The following PLIN5 variants were observed in gnomAD, a reference collection of about 807,000 sequenced individuals.
PLIN5 encodes perilipin 5, also known as perilipin-5.
Under a neutral mutation model 32.8 loss-of-function variants are expected in PLIN5, and 34 were observed. The ratio of observed to expected loss-of-function variants is 1.04; its 90% CI spans 0.79 to 1.38. PLIN5 has a LOEUF of 1.38. Ranked by LOEUF, PLIN5 falls within the 40% of genes most tolerant of loss-of-function variation. The probability of loss-of-function intolerance (pLI) is 0.00; values close to 1 mark genes in which losing one functional copy is unlikely to be tolerated. For missense variants in PLIN5, 712 were observed against 660.5 expected (o/e 1.08, Z -0.85); for synonymous variants, 309 against 292.9 (o/e 1.05, Z -0.56).
rs771309924 is a variant in PLIN5, at chr19:4,531,761, TCGCAGACCGCGGTGCACGTGGCC to T, written c.99_121del (p.Ala34CysfsTer20). 1.3e-6 allele frequency: 2 copies of T among 1,599,660 alleles called. No homozygotes were observed. Among genetic ancestry groups the T allele is most frequent in the Admixed American group, 3.4e-5 (2 of 59,086 alleles). On this transcript the variant is annotated frameshift_variant, in exon 3 of 8. Transcript: ENST00000381848. LOFTEE classifies it high-confidence loss of function. Reference sequence around the variant, plus strand: ...CCTGTCCTTGGCTGCACTGTAAACATCGCAGACCGCGGTGCACGTGGCCCTGACCAGGGGCAGAGCCACCACAC... The same window carrying T: ...CCTGTCCTTGGCTGCACTGTAAACATCTGACCAGGGGCAGAGCCACCACAC...
rs1009848259 is a variant in PLIN5 at position 4,533,828 on chromosome 19, C to T, written c.60+187G>A. 5 of 656,140 alleles carry T rather than the reference C, an allele frequency of 7.6e-6. No individual in the cohort carries two copies. In the Admixed American group the frequency reaches 1.2e-4, roughly 15 times the overall value. 40.6% of individuals were successfully genotyped at this position (656,140 alleles called of 1,614,324 possible). On this transcript the variant is annotated intron_variant, in intron 2 of 7. Coordinates refer to ENST00000381848, the MANE Select transcript of PLIN5 (RefSeq NM_001013706.3). ...CTGGGTGTCTTTGAGAGACACTCCC[C>T]TCCCAGGGCCTCATTAAGCCCCCAC... is the stretch of plus-strand genomic sequence containing the variant.
chr19:4,532,751 C>G (rs1976902428), intron 2 of PLIN5: 2 of 152,246 alleles, frequency 1.3e-5, no homozygotes, highest in Non-Finnish European at 2.9e-5. Context: ...CTCACTGCAG[C>G]CTAAGCCTCC....
At chr19:4,529,729 C>A (rs758005899) in intron 4 of PLIN5, 55 bp downstream of exon 4, 1 of 1,441,968 alleles carries the variant, frequency 6.9e-7, no homozygotes, top group Non-Finnish European at 9.7e-7. Flanking sequence ...CTCCCTCCCG[C>A]CTCTAATCTG....
Position 4,525,915 on chromosome 19 carries a change from GGATA to G in PLIN5, c.521-87_521-84del. 3.7e-6 allele frequency: 2 copies of G among 536,676 alleles called. No individual in the cohort carries two copies. The allele number at this position is 536,676 out of a possible 1,614,324, so 33.2% of individuals were successfully genotyped here. A position where few individuals can be genotyped will look rare whatever the true frequency, so the allele number is the denominator to read the frequency against. Reference sequence around the variant, plus strand: ...AGGATACGGGGACAGCACGGGGACAGGATACGGGGACAGCACGGGGACAGGATAC... The same window carrying G: ...AGGATACGGGGACAGCACGGGGACAGCGGGGACAGCACGGGGACAGGATAC... On this transcript the variant is annotated intron_variant, in intron 5 of 7. Transcript: ENST00000381848. This position sits in a 1 kb window ranked among gnomAD's most constrained non-coding sequence, Gnocchi z 5.6.
rs1357571184 is a variant in PLIN5, at chr19:4,525,614, G to T, written c.720+19C>A. On this transcript the variant is annotated intron_variant, in intron 6 of 7. Transcript: ENST00000381848. This position sits in a 1 kb window ranked among gnomAD's most constrained non-coding sequence, Gnocchi z 5.6. ...GATTGGCCTGCATCCCGGAGCAGGG[G>T]CGGGCAGCGGGCTCTCACCAGCTCC... is the stretch of plus-strand genomic sequence containing the variant. The T allele has an allele frequency of 3.1e-6, 5 of 1,610,512 alleles. No individual in the cohort carries two copies. The highest frequency in any genetic ancestry group is 2.7e-5 in the African/African-American group (2 of 74,932).
intron 5 of PLIN5, among the ~76,000 whole-genome samples, chr19:4,527,560 A>C (rs1281477000): frequency 6.7e-6 from 1 of 148,922 alleles, no homozygotes; most frequent in Admixed American, 6.7e-5. Flanking sequence ...AAAAAAAAAA[A>C]AAAAAACAAC....
At chr19:4,532,045 A>C (rs1424987599) in intron 2 of PLIN5, among the ~76,000 whole-genome samples, 2 of 152,156 alleles carry the variant, frequency 1.3e-5, no homozygotes, top group Admixed American at 1.3e-4. Context: ...AGAGCATTAC[A>C]ATTTTGTTTG....
Position 4,523,522 on chromosome 19 carries a change from C to T in PLIN5, c.*6G>A. 1.3e-6 allele frequency: 2 copies of T among 1,544,340 alleles called. No individual in the cohort carries two copies. Among genetic ancestry groups the T allele is most frequent in the South Asian group, 1.2e-5 (1 of 80,240 alleles). On this transcript the variant is annotated 3_prime_UTR_variant, in exon 8 of 8. Coordinates refer to ENST00000381848, the MANE Select transcript of PLIN5 (RefSeq NM_001013706.3). This position sits in a 1 kb window ranked among gnomAD's most constrained non-coding sequence, Gnocchi z 5.0. ...CCTTTCCTCCCCGCCTCCACTGGCC[C>T]ATGGGTCAGAAGTCCAGCTCGGGCA...
At chr19:4,527,352 G>A (rs1044186323) in intron 5 of PLIN5, among the ~76,000 whole-genome samples, 3 of 151,104 alleles carry the variant, frequency 2.0e-5, no homozygotes, top group African/African-American at 7.3e-5. Context: ...GATTACAGGC[G>A]TAAGCCACCG....
chr19:4,533,962 A>C (rs770401833), intron 2 of PLIN5, 53 bp downstream of exon 2: 2 of 1,579,994 alleles, frequency 1.3e-6, no homozygotes, highest in Non-Finnish European at 1.7e-6. Flanking sequence ...CCTAGAAGGG[A>C]CTGTCCCACA....
At chr19:4,528,578 T>G in intron 5 of PLIN5, 1 of 152,390 alleles carries the variant, frequency 6.6e-6, no homozygotes, top group Non-Finnish European at 1.5e-5. Context: ...CTGGCTAATT[T>G]TTTGTATTTT....
chr19:4,527,447 G>A (rs1292954652), intron 5 of PLIN5, among the ~76,000 whole-genome samples: 1 of 143,474 alleles, frequency 7.0e-6, no homozygotes, highest in Non-Finnish European at 1.5e-5. Flanking sequence ...GATGAGGCAG[G>A]AGAATCACTT....
chr19:4,524,900 T>C, intron 7 of PLIN5, 63 bp downstream of exon 7: 2 of 1,396,872 alleles, frequency 1.4e-6, no homozygotes, highest in East Asian at 2.8e-5. Flanking sequence ...AGTCCGTCGC[T>C]CCCCCTCTTC....
intron 5 of PLIN5, among the ~76,000 whole-genome samples, chr19:4,527,056 A>G (rs917544595): frequency 5.9e-5 from 9 of 151,680 alleles, no homozygotes; most frequent in Admixed American, 3.3e-4. Flanking sequence ...GGGTGACAGA[A>G]CAAGACCCCA....
intron 5 of PLIN5, among the ~76,000 whole-genome samples, chr19:4,527,891 G>T (rs1976826556): frequency 6.7e-6 from 1 of 150,342 alleles, no homozygotes; most frequent in African/African-American, 2.5e-5. Flanking sequence ...CACACAAGAA[G>T]TGCCTGATCA....
Position 4,525,050 on chromosome 19 carries a change from G to T in PLIN5, c.747C>A (p.Thr249=). ...TCCCAGGGCAGGCCGGGGCGGTGGG[G>T]GTCACCCCACACTGCATGTGGTCTA... The part of the protein sequence containing the change: ...ELIDHMQCGV[T]PTAPACPGKV... The change falls in exon 7 of 8, where the codon ACC becomes ACA. Residue 249 remains threonine (T), a synonymous_variant. Transcript: ENST00000381848. The surrounding 1 kb of genome is among the most constrained non-coding windows in gnomAD (Gnocchi z 5.6). The T allele has an allele frequency of 6.9e-7, 1 of 1,448,424 alleles. No individual in the cohort carries two copies. The highest frequency in any genetic ancestry group is 9.1e-7 in the Non-Finnish European group (1 of 1,099,972). The allele number at this position is 1,448,424 out of a possible 1,614,324, so 89.7% of individuals were successfully genotyped here.
At chr19:4,530,068 C>T (rs1053727113) in intron 3 of PLIN5, among the ~76,000 whole-genome samples, 1 of 152,200 alleles carries the variant, frequency 6.6e-6, no homozygotes, top group African/African-American at 2.4e-5. Flanking sequence ...TGAGACCTTA[C>T]ACCAAGAAGC....
At chr19:4,529,456 G>A (rs1976850893) in intron 4 of PLIN5, 5 of 585,506 alleles carry the variant, frequency 8.5e-6, no homozygotes, top group South Asian at 4.4e-5. Context: ...CAATACATAT[G>A]TATACACACA....
rs756787323 is a variant in PLIN5 at position 4,529,687 on chromosome 19, TTAAC to T, written c.339+93_339+96del. 3 of 984,126 alleles carry T rather than the reference TTAAC, an allele frequency of 3.0e-6. No homozygotes were observed. The South Asian group carries it at 4.3e-5, about 14-fold the overall frequency. The allele number at this position is 984,126 out of a possible 1,614,324, so 61.0% of individuals were successfully genotyped here. A position where few individuals can be genotyped will look rare whatever the true frequency, so the allele number is the denominator to read the frequency against. ...TTTAACCTGGCTGTTTTTTCTTGAGTTAACTAAAAGCCTGGTTGTCACCATCCCT... is the reference window on the plus strand; with the variant it reads ...TTTAACCTGGCTGTTTTTTCTTGAGTTAAAAGCCTGGTTGTCACCATCCCT... On this transcript the variant is annotated intron_variant, in intron 4 of 7. Coordinates refer to ENST00000381848, the MANE Select transcript of PLIN5 (RefSeq NM_001013706.3).
Sources: gnomAD v4.1 joint callset for allele counts (sites outside exome capture counted in the v4.1 genomes callset) on GRCh38, gnomAD v4.1.1 for gene constraint, Gnocchi (gnomAD v3.1) non-coding constraint, MANE v1.5 for transcripts, NCBI Gene and HGNC (gene_info 2026-07-23, HGNC 2026-07-21) for gene names.